Variants in GLIS3 observed in about 807,000 individuals in gnomAD.
The protein encoded by GLIS3 is GLIS family zinc finger 3.
A neutral mutation model predicts 78.6 loss-of-function variants in GLIS3; 53 were observed. That is an observed-to-expected ratio of 0.67 (90% CI 0.54 to 0.85). The LOEUF (loss-of-function observed/expected upper bound fraction) is 0.85, where lower values mean the gene tolerates loss of function less well. Among genes scored for constraint, GLIS3 ranks in the 40% least tolerant of loss-of-function variants. The pLI is 0.00. For synonymous variants in GLIS3, 684 were observed against 509.9 expected (o/e 1.34, Z -4.60); for missense variants, 1,703 against 1,231.1 (o/e 1.38, Z -5.74).
intron 2 of GLIS3, among the ~76,000 whole-genome samples, chr9:4,230,496 G>A (rs1430850596): frequency 1.3e-5 from 2 of 152,134 alleles, no homozygotes; most frequent in Admixed American, 6.5e-5. Context: ...AGAAAATGAT[G>A]GAGGACCTAT....
At chr9:4,409,728 T>A in the GLIS3 span, among the ~76,000 whole-genome samples, 1 of 152,092 alleles carries the variant, frequency 6.6e-6, no homozygotes, top group Non-Finnish European at 1.5e-5. Flanking sequence ...GAACAAATGA[T>A]AAATCACAAA....
intron 4 of GLIS3, among the ~76,000 whole-genome samples, chr9:4,045,835 T>G (rs1027932392): frequency 3.3e-5 from 5 of 152,128 alleles, no homozygotes; most frequent in African/African-American, 9.7e-5. Flanking sequence ...TTGAGTACTC[T>G]TGGAAAATGA....
chr9:4,327,263 G>A (rs886433476), intron 2 of GLIS3, among the ~76,000 whole-genome samples: 1 of 152,164 alleles, frequency 6.6e-6, no homozygotes, highest in African/African-American at 2.4e-5. Flanking sequence ...GCAGAGGGAG[G>A]TGGGCATGGC....
chr9:4,487,247 G>A, the GLIS3 span, among the ~76,000 whole-genome samples: 2 of 152,106 alleles, frequency 1.3e-5, no homozygotes, highest in Admixed American at 1.3e-4. Context: ...GGTTCAGAGT[G>A]TGTTAATGAC....
chr9:4,275,622 G>A (rs1826915015), intron 2 of GLIS3, among the ~76,000 whole-genome samples: 1 of 151,538 alleles, frequency 6.6e-6, no homozygotes, highest in Non-Finnish European at 1.5e-5. Flanking sequence ...AAAAAGCCAG[G>A]TGTGGTGATA....
chr9:3,857,248 A>ATTTC (rs1819855364), intron 8 of GLIS3, among the ~76,000 whole-genome samples: 4 of 152,190 alleles, frequency 2.6e-5, no homozygotes, highest in Admixed American at 2.6e-4. Flanking sequence ...TGTTCCTTAC[A>ATTTC]CTGTGTAGAA....
chr9:4,084,256 A>AACACACAC (rs370384726), intron 4 of GLIS3, among the ~76,000 whole-genome samples: 1,607 of 132,170 alleles, frequency 0.012, 17 homozygotes, highest in Middle Eastern at 0.035. Flanking sequence ...TCCTCTCTCT[A>AACACACAC]ACACACACAC....
At chr9:4,006,512 G>A (rs1355245638) in intron 4 of GLIS3, among the ~76,000 whole-genome samples, 1 of 152,128 alleles carries the variant, frequency 6.6e-6, no homozygotes, top group African/African-American at 2.4e-5. Context: ...ACCTAGGATG[G>A]TTTGCTGGTG....
At chr9:4,062,534 G>A (rs1380750408) in intron 4 of GLIS3, among the ~76,000 whole-genome samples, 1 of 152,152 alleles carries the variant, frequency 6.6e-6, no homozygotes, top group Non-Finnish European at 1.5e-5. Context: ...TCTAGGTTAA[G>A]GCACTTACTT....
chr9:3,979,895 T>C (rs992993747), intron 4 of GLIS3, among the ~76,000 whole-genome samples: 4 of 152,148 alleles, frequency 2.6e-5, no homozygotes, highest in Non-Finnish European at 5.9e-5. Flanking sequence ...ATGTGGCATA[T>C]ATTCCAGCGG....
At chr9:4,110,317 G>A (rs546192669) in intron 4 of GLIS3, among the ~76,000 whole-genome samples, 1 of 152,128 alleles carries the variant, frequency 6.6e-6, no homozygotes, top group African/African-American at 2.4e-5. Context: ...TAATTGTAGA[G>A]CATTAGGGTA....
At chr9:3,838,421 T>A (rs966058489) in intron 9 of GLIS3, among the ~76,000 whole-genome samples, 6 of 152,270 alleles carry the variant, frequency 3.9e-5, no homozygotes, top group African/African-American at 1.4e-4. Flanking sequence ...AGAAGATTCT[T>A]TGGTTTCACT....
At chr9:4,030,242 C>A (rs939402053) in intron 4 of GLIS3, among the ~76,000 whole-genome samples, 9 of 152,144 alleles carry the variant, frequency 5.9e-5, no homozygotes, top group Non-Finnish European at 1.2e-4. Flanking sequence ...ATTTGTATGT[C>A]TTCTTTTGAG....
At position 3,915,344 on chromosome 9, in the gene GLIS3, T is replaced by G. The variant is rs12005195; in HGVS notation, c.1984-16509A>C. On this transcript the variant is annotated intron_variant, in intron 6 of 10. Transcript: ENST00000381971. ...GAAAGTCAAAAATCTAAGGAAAGTG[T>G]TGCAAGAATGATGAGGACTGTCAGT... Among the ~76,000 whole-genome samples the G allele has an allele frequency of 2.6e-3, 397 of 152,190 alleles. 1 individual carries two copies. The highest frequency in any genetic ancestry group is 9.1e-3 in the African/African-American group (376 of 41,514).
intron 2 of GLIS3, among the ~76,000 whole-genome samples, chr9:4,128,836 A>T (rs1832758563): frequency 6.6e-6 from 1 of 152,182 alleles, no homozygotes. Flanking sequence ...TAGTATCTCC[A>T]CATTCTTACT....
chr9:4,456,462 C>T, the GLIS3 span, among the ~76,000 whole-genome samples: 1 of 152,194 alleles, frequency 6.6e-6, no homozygotes, highest in Non-Finnish European at 1.5e-5. Flanking sequence ...GATCATCTAT[C>T]TAGACTACTA....
At chr9:4,268,800 G>A (rs753021411) in intron 2 of GLIS3, among the ~76,000 whole-genome samples, 33 of 152,056 alleles carry the variant, frequency 2.2e-4, no homozygotes, top group Non-Finnish European at 1.3e-4. Context: ...TACCAGCTGG[G>A]CAGCATCTCC....
chr9:4,058,955 G>C (rs10814823), intron 4 of GLIS3, among the ~76,000 whole-genome samples: 145,645 of 150,920 alleles, frequency 0.97, 70,349 homozygotes, highest in Middle Eastern at 1. Flanking sequence ...GCACTCCAGC[G>C]TGGGCCACAG....
chr9:4,291,264 C>A (rs1055742153), intron 1 of GLIS3, among the ~76,000 whole-genome samples: 1 of 152,016 alleles, frequency 6.6e-6, no homozygotes, highest in Admixed American at 6.6e-5. Flanking sequence ...CTGAGTTATA[C>A]CAACTGAAGA....
Sources: allele counts gnomAD v4.1 joint callset (sites outside exome capture counted in the v4.1 genomes callset), GRCh38; gene constraint gnomAD v4.1.1; transcripts MANE v1.5; gene names NCBI Gene and HGNC (gene_info 2026-07-23, HGNC 2026-07-21).